The following EPRS1 variants were observed in gnomAD, a reference collection of about 807,000 sequenced individuals.
EPRS1 encodes bifunctional glutamate/proline--tRNA ligase.
A neutral mutation model predicts 188.3 loss-of-function variants in EPRS1; 107 were observed. That is an observed-to-expected ratio of 0.57 (90% CI 0.49 to 0.67). The LOEUF (loss-of-function observed/expected upper bound fraction) is 0.67. EPRS1 is among the 30% of genes least tolerant of loss of function. EPRS1 has a pLI of 0.00. For synonymous variants in EPRS1, 596 were observed against 593.1 expected, an observed-to-expected ratio of 1.00 and a Z score of -0.07; for missense variants, 1,577 against 1,802.2, an observed-to-expected ratio of 0.88 and a Z score of 2.26.
At chr1:220,000,898 T>C (rs979554236) in intron 17 of EPRS1, among the ~76,000 whole-genome samples, 52 of 152,262 alleles carry the variant, frequency 3.4e-4, no homozygotes, top group African/African-American at 1.3e-3. Context: ...TGAGAATTGC[T>C]TGAACCCGGG....
At chr1:220,021,984 A>G (rs1225973226) in intron 9 of EPRS1, among the ~76,000 whole-genome samples, 1 of 152,184 alleles carries the variant, frequency 6.6e-6, no homozygotes, top group East Asian at 1.9e-4. Flanking sequence ...AGTTTTCAAT[A>G]CTATTACTTT....
At chr1:220,022,170 CA>C (rs1349093235) in intron 9 of EPRS1, among the ~76,000 whole-genome samples, 176 bp downstream of exon 9, 4 of 152,158 alleles carry the variant, frequency 2.6e-5, no homozygotes, top group Non-Finnish European at 5.9e-5. Flanking sequence ...CCTTAATTGA[CA>C]GGTGAGTAAA....
chr1:219,974,588 C>A (rs911189928), intron 28 of EPRS1, among the ~76,000 whole-genome samples: 1 of 151,760 alleles, frequency 6.6e-6, no homozygotes, highest in African/African-American at 2.4e-5. Flanking sequence ...CAGGTGGTCA[C>A]CCCAAAAATG....
intron 16 of EPRS1, among the ~76,000 whole-genome samples, chr1:220,003,168 A>C (rs1476350075): frequency 6.6e-6 from 1 of 152,126 alleles, no homozygotes; most frequent in Non-Finnish European, 1.5e-5. Flanking sequence ...CAGCCATCCT[A>C]GTGGTATGCA....
Position 219,996,977 on chromosome 1 carries a change from A to G in EPRS1, c.2541+6T>C. 1 of 1,577,008 alleles carries G rather than the reference A, an allele frequency of 6.3e-7. No individual in the cohort carries two copies. The highest frequency in any genetic ancestry group is 8.6e-7 in the Non-Finnish European group (1 of 1,166,074). ...ATGTGGTCTTGACTTTCTCTAACAT[A>G]CTGACCTTAGGGGATTTTTCAGCTT... On this transcript the variant is annotated splice_donor_region_variant and intron_variant, in intron 18 of 31. Transcript: ENST00000366923.
At position 220,033,537 on chromosome 1, in the gene EPRS1, C is replaced by T; in HGVS notation, c.353G>A (p.Ser118Asn). 1 of 1,612,650 alleles carries T rather than the reference C, an allele frequency of 6.2e-7. No individual in the cohort carries two copies. The highest frequency in any genetic ancestry group is 8.5e-7 in the Non-Finnish European group (1 of 1,179,104). ...LRTYLVGNSLSLADLCVWATL... is the reference protein window; with the variant it reads ...LRTYLVGNSLNLADLCVWATL... ...GGCCCAAACACATAAATCTGCTAAA[C>T]TCAAGGAGTTTCCAACTAAGTATGT... Residue 118 changes from serine to asparagine, a missense_variant, in exon 4 of 32, where the codon AGT (serine) becomes AAT (asparagine). Coordinates refer to ENST00000366923, the MANE Select transcript of EPRS1 (RefSeq NM_004446.3).
At chr1:220,000,842 G>A (rs995429943) in intron 17 of EPRS1, among the ~76,000 whole-genome samples, 8 of 152,102 alleles carry the variant, frequency 5.3e-5, no homozygotes, top group African/African-American at 7.2e-5. Flanking sequence ...TTAGCCGGGC[G>A]TCATGGTGCA....
At chr1:219,985,605 A>G (rs763932348) in intron 20 of EPRS1, among the ~76,000 whole-genome samples, 15 of 151,768 alleles carry the variant, frequency 9.9e-5, no homozygotes, top group Non-Finnish European at 2.1e-4. Flanking sequence ...GAGCTTTGAC[A>G]TGTTGGCCAG....
At chr1:219,999,213 T>A (rs1331333512) in intron 17 of EPRS1, among the ~76,000 whole-genome samples, 1 of 152,144 alleles carries the variant, frequency 6.6e-6, no homozygotes, top group Admixed American at 6.5e-5. Context: ...GATCTACACA[T>A]CACAGGGAAA....
intron 16 of EPRS1, among the ~76,000 whole-genome samples, chr1:220,004,723 C>T (rs1408725375): frequency 6.6e-6 from 1 of 151,808 alleles, no homozygotes; most frequent in Non-Finnish European, 1.5e-5. Context: ...GTTTTGACTA[C>T]ACAGTTACAG....
intron 19 of EPRS1, 93 bp from the exon 20 acceptor site, chr1:219,987,497 C>CT: frequency 9.2e-7 from 1 of 1,086,576 alleles, no homozygotes; most frequent in Non-Finnish European, 1.3e-6. Context: ...TCAAAGCTTT[C>CT]TTTTTTCCGC....
At chr1:220,035,981 C>T (rs528830715) in intron 2 of EPRS1, among the ~76,000 whole-genome samples, 5 of 152,156 alleles carry the variant, frequency 3.3e-5, no homozygotes, top group Admixed American at 6.5e-5. Context: ...GGACAGATCA[C>T]TTGAGGTCAG....
intron 18 of EPRS1, among the ~76,000 whole-genome samples, chr1:219,991,261 T>A (rs1233706380): frequency 6.7e-6 from 1 of 148,968 alleles, no homozygotes. Context: ...TGGAACATTA[T>A]CCATTTGAAA....
At chr1:220,024,107 G>A (rs554170466) in intron 8 of EPRS1, among the ~76,000 whole-genome samples, 157 bp downstream of exon 8, 59 of 152,220 alleles carry the variant, frequency 3.9e-4, no homozygotes, top group South Asian at 1.5e-3. Context: ...AGCCGAGATC[G>A]CGCCATTGTA....
chr1:219,971,571 A>G (rs1660664246), intron 30 of EPRS1, among the ~76,000 whole-genome samples: 1 of 152,068 alleles, frequency 6.6e-6, no homozygotes, highest in Non-Finnish European at 1.5e-5. Flanking sequence ...TGACAGCTCT[A>G]AAGCTAGAAC....
At chr1:220,031,907 A>G (rs891200628) in intron 5 of EPRS1, among the ~76,000 whole-genome samples, 11 of 152,240 alleles carry the variant, frequency 7.2e-5, no homozygotes, top group African/African-American at 2.4e-4. Context: ...ATTTAGCTAT[A>G]TAATTATAAA....
chr1:220,037,862 C>T (rs1286163612), intron 2 of EPRS1, among the ~76,000 whole-genome samples: 1 of 152,068 alleles, frequency 6.6e-6, no homozygotes, highest in Admixed American at 6.5e-5. Flanking sequence ...CCAATTACTC[C>T]ATGGAAAACT....
chr1:220,030,607 C>T (rs1281801151), intron 5 of EPRS1, 127 bp from the exon 6 acceptor site: 2 of 673,638 alleles, frequency 3.0e-6, no homozygotes, highest in Non-Finnish European at 5.3e-6. Flanking sequence ...AGAACATCAT[C>T]CCTACACTTG....
chr1:220,038,408 T>G (rs1393761897), intron 2 of EPRS1, among the ~76,000 whole-genome samples: 1 of 143,342 alleles, frequency 7.0e-6, no homozygotes, highest in Non-Finnish European at 1.5e-5. Context: ...TTTTTTTTTT[T>G]GAGACAGGGT....
Sources: allele counts gnomAD v4.1 joint callset (sites outside exome capture counted in the v4.1 genomes callset), GRCh38; gene constraint gnomAD v4.1.1; transcripts MANE v1.5; gene names NCBI Gene and HGNC (gene_info 2026-07-23, HGNC 2026-07-21).